KAZN: variants seen among roughly 807,000 people sequenced by gnomAD.
KAZN encodes kazrin.
KAZN carries 40 observed loss-of-function variants against 87.4 expected under a neutral mutation model. The observed-to-expected ratio is 0.46, with a 90% CI of 0.36 to 0.60. The LOEUF (loss-of-function observed/expected upper bound fraction) is 0.60. Among genes scored for constraint, KAZN ranks in the 20% least tolerant of loss-of-function variants. The pLI, the probability that KAZN is intolerant of heterozygous loss-of-function variation, is 0.00. For missense variants in KAZN, 898 were observed against 1,073.9 expected (o/e 0.84, Z 2.29); for synonymous variants, 466 against 458.3 (o/e 1.02, Z -0.22).
intron 1 of KAZN, among the ~76,000 whole-genome samples, chr1:14,602,389 G>A (rs896225977): frequency 2.0e-5 from 3 of 152,176 alleles, no homozygotes; most frequent in African/African-American, 4.8e-5. Flanking sequence ...TGCAGAGGGC[G>A]TCCGTGCAGG....
chr1:14,660,454 C>A (rs922315298), intron 1 of KAZN, among the ~76,000 whole-genome samples: 2 of 151,414 alleles, frequency 1.3e-5, no homozygotes, highest in Non-Finnish European at 2.9e-5. Context: ...TTGAAATTTC[C>A]TTCATCACAG....
At chr1:14,712,089 G>C (rs148648688) in intron 1 of KAZN, among the ~76,000 whole-genome samples, 1 of 152,140 alleles carries the variant, frequency 6.6e-6, no homozygotes, top group African/African-American at 2.4e-5. Flanking sequence ...GGGGAGAAAG[G>C]GTTTTAGGGG....
chr1:14,641,518 AT>A (rs571873411), intron 1 of KAZN, among the ~76,000 whole-genome samples: 155 of 152,180 alleles, frequency 1.0e-3, no homozygotes, highest in Non-Finnish European at 1.8e-3. Flanking sequence ...CCACCAGACC[AT>A]GCCTGCGGTG....
chr1:14,985,044 A>G (rs979216814), intron 2 of KAZN, among the ~76,000 whole-genome samples: 3 of 151,818 alleles, frequency 2.0e-5, no homozygotes, highest in African/African-American at 4.8e-5. Context: ...GCTGAAGCAG[A>G]AGAATCGCTT....
At chr1:13,947,010 G>A (rs1269014904) in intron 1 of KAZN, among the ~76,000 whole-genome samples, 1 of 152,070 alleles carries the variant, frequency 6.6e-6, no homozygotes, top group African/African-American at 2.4e-5. Context: ...TCCAGCTTCT[G>A]GTGGCTGTCC....
intron 1 of KAZN, among the ~76,000 whole-genome samples, chr1:13,918,776 C>T (rs1381413208): frequency 6.6e-6 from 1 of 152,210 alleles, no homozygotes; most frequent in Non-Finnish European, 1.5e-5. Context: ...AGCAGGAGTA[C>T]TCCACCAGTA....
intron 2 of KAZN, among the ~76,000 whole-genome samples, chr1:14,578,432 AACTG>A (rs1349557964): frequency 1.7e-4 from 26 of 152,290 alleles, no homozygotes; most frequent in African/African-American, 5.5e-4. Flanking sequence ...TAAATACACT[AACTG>A]ACAGAATTTT....
At chr1:14,696,519 G>A (rs1206784586) in intron 1 of KAZN, among the ~76,000 whole-genome samples, 2 of 152,220 alleles carry the variant, frequency 1.3e-5, no homozygotes, top group Non-Finnish European at 2.9e-5. Context: ...GAAGAAGCCA[G>A]GAAAGGAGTC....
intron 1 of KAZN, among the ~76,000 whole-genome samples, chr1:14,804,900 G>A (rs1572527873): frequency 1.3e-5 from 2 of 152,308 alleles, no homozygotes; most frequent in East Asian, 3.9e-4. Flanking sequence ...GCACCACATG[G>A]GTGGAGGTCT....
chr1:14,844,515 C>G (rs1465366088), intron 1 of KAZN, among the ~76,000 whole-genome samples: 2 of 152,196 alleles, frequency 1.3e-5, no homozygotes, highest in Non-Finnish European at 2.9e-5. Context: ...CCTGGGCTGT[C>G]AGCCTGGCTG....
intron 1 of KAZN, among the ~76,000 whole-genome samples, chr1:14,671,248 A>G (rs1364824882): frequency 6.6e-6 from 1 of 152,234 alleles, no homozygotes; most frequent in Non-Finnish European, 1.5e-5. Flanking sequence ...TCTTACTTAC[A>G]GCATTTCCCC....
intron 1 of KAZN, among the ~76,000 whole-genome samples, chr1:14,830,939 C>A (rs1423395478): frequency 1.3e-5 from 2 of 152,224 alleles, no homozygotes. Context: ...CTTACCTCAC[C>A]CATCAATGTC....
chr1:14,553,520 G>A (rs4661290), intron 2 of KAZN, among the ~76,000 whole-genome samples: 71,928 of 152,094 alleles, frequency 0.47, 20,068 homozygotes, highest in East Asian at 0.9. Context: ...AGAACTCTCT[G>A]AAGGAGAGGG....
intron 2 of KAZN, among the ~76,000 whole-genome samples, chr1:14,273,334 A>T (rs576661783): frequency 2.0e-5 from 3 of 152,212 alleles, no homozygotes; most frequent in Admixed American, 1.3e-4. Flanking sequence ...CCAAGTTGAG[A>T]AGATGGTTCA....
At chr1:14,236,624 A>G (rs1648445451) in intron 2 of KAZN, among the ~76,000 whole-genome samples, 1 of 152,202 alleles carries the variant, frequency 6.6e-6, no homozygotes, top group Non-Finnish European at 1.5e-5. Context: ...ATCATATTGC[A>G]TAAAACGTAT....
intron 1 of KAZN, among the ~76,000 whole-genome samples, chr1:13,928,923 T>C (rs1640392635): frequency 6.6e-6 from 1 of 151,950 alleles, no homozygotes; most frequent in African/African-American, 2.4e-5. Context: ...TGTTGTGTGC[T>C]CAAACAAGTT....
chr1:14,375,527 C>T (rs1660826068), intron 2 of KAZN, among the ~76,000 whole-genome samples: 1 of 152,218 alleles, frequency 6.6e-6, no homozygotes. Flanking sequence ...ACCAAGCCCA[C>T]TAAGATTAAA....
chr1:14,678,567 T>C (rs1347179914), intron 1 of KAZN, among the ~76,000 whole-genome samples: 1 of 152,212 alleles, frequency 6.6e-6, no homozygotes, highest in Non-Finnish European at 1.5e-5. Context: ...AAGTCCCTTT[T>C]GTATATACAT....
At chr1:14,588,886 T>C (rs1281041140) in intron 2 of KAZN, among the ~76,000 whole-genome samples, 1 of 152,190 alleles carries the variant, frequency 6.6e-6, no homozygotes, top group Non-Finnish European at 1.5e-5. Flanking sequence ...ACATGACAAT[T>C]GTTTCAGAGC....
Sources: allele counts gnomAD v4.1 joint callset (sites outside exome capture counted in the v4.1 genomes callset), GRCh38; gene constraint gnomAD v4.1.1; transcripts MANE v1.5; gene names NCBI Gene and HGNC (gene_info 2026-07-23, HGNC 2026-07-21).